TENM3: variants seen among roughly 807,000 people sequenced by gnomAD.
TENM3 encodes the protein teneurin transmembrane protein 3.
In TENM3, 63 loss-of-function variants were observed where a neutral mutation model predicts 255.1. The ratio of observed to expected loss-of-function variants is 0.25; its 90% CI spans 0.20 to 0.30. The LOEUF (loss-of-function observed/expected upper bound fraction) is 0.30. TENM3 is among the 10% of genes least tolerant of loss of function. TENM3 has a pLI of 1.00. For synonymous variants in TENM3, 1,306 were observed against 1,322.3 expected (o/e 0.99, Z 0.27); for missense variants, 2,929 against 3,461.1 (o/e 0.85, Z 3.86).
At position 182,760,224 on chromosome 4, in the gene TENM3, G is replaced by A. The variant is rs116013007; in HGVS notation, c.4892+4965G>A. Among the ~76,000 whole-genome samples the A allele has an allele frequency of 8.1e-3, 1,237 of 152,178 alleles. 19 individuals are homozygous for A. The highest frequency in any genetic ancestry group is 0.028 in the African/African-American group (1,155 of 41,518). ...CCACTTAAAAACAGTGGCCACACGCGATCATTCCTTAGCCAGAGTAATTCC... is the reference window on the plus strand; with the variant it reads ...CCACTTAAAAACAGTGGCCACACGCAATCATTCCTTAGCCAGAGTAATTCC... On this transcript the variant is annotated intron_variant, in intron 22 of 27. Coordinates refer to ENST00000511685, the MANE Select transcript of TENM3 (RefSeq NM_001080477.4).
In TENM3 at chr4:182,208,005, G is replaced by A. The variant is rs577386975; in HGVS notation, c.-76+63251G>A. 2.5e-4 allele frequency among the ~76,000 whole-genome samples: 38 copies of A among 152,334 alleles called. No homozygotes were observed. In the South Asian group the frequency reaches 5.6e-3, roughly 22 times the overall value. On this transcript the variant is annotated intron_variant, in intron 1 of 2. Coordinates refer to the TENM3 transcript ENST00000512480. ...CTTGAAGTCGTGTGTTTCCTCAGAA[G>A]TTTTGTCAGTTTCATAAGCCTTAAA...
chr4:181,758,794 T>C, the TENM3 span, among the ~76,000 whole-genome samples: 1 of 152,176 alleles, frequency 6.6e-6, no homozygotes, highest in Non-Finnish European at 1.5e-5. Flanking sequence ...TTTGAGCACA[T>C]GTAGTTCTGT....
the TENM3 span, among the ~76,000 whole-genome samples, chr4:182,047,560 C>CAA: frequency 0.27 from 19,431 of 71,664 alleles, 3,666 homozygotes; most frequent in Admixed American, 0.37. Flanking sequence ...GACTCCATCT[C>CAA]AAAAAAAAAA....
At position 182,460,572 on chromosome 4, in the gene TENM3, G is replaced by T. The variant is rs200972109; in HGVS notation, c.511+113643G>T. Among the ~76,000 whole-genome samples the T allele has an allele frequency of 1.7e-4, 26 of 152,178 alleles. No individual in the cohort carries two copies. In the East Asian group the frequency reaches 5.0e-3, roughly 29 times the overall value. The stretch of plus-strand genomic sequence containing the variant: ...CAAAATGAAGGAGAGACAAGAGAGG[G>T]GTGATAGTGGTGTTTAGCTGTCTCT... On this transcript the variant is annotated intron_variant, in intron 3 of 27. Transcript: ENST00000511685.
intron 3 of TENM3, among the ~76,000 whole-genome samples, chr4:182,525,619 A>T (rs1038712838): frequency 6.6e-6 from 1 of 152,196 alleles, no homozygotes; most frequent in African/African-American, 2.4e-5. Flanking sequence ...GTGTATGTAC[A>T]CCCGTCCCTC....
chr4:181,781,235 T>G, the TENM3 span, among the ~76,000 whole-genome samples: 1 of 152,214 alleles, frequency 6.6e-6, no homozygotes. Context: ...TTCACAACAT[T>G]GATTCTTCCT....
At chr4:181,995,031 G>A in the TENM3 span, among the ~76,000 whole-genome samples, 1 of 152,304 alleles carries the variant, frequency 6.6e-6, no homozygotes, top group East Asian at 1.9e-4. Context: ...GCTCATGCCT[G>A]TAATCCCAGC....
chr4:181,574,394 G>A, the TENM3 span, among the ~76,000 whole-genome samples: 2 of 151,822 alleles, frequency 1.3e-5, no homozygotes, highest in Admixed American at 6.6e-5. Context: ...AGCCGGGCGC[G>A]GTGGCGGGCG....
the TENM3 span, among the ~76,000 whole-genome samples, chr4:181,694,720 A>G: frequency 6.6e-6 from 1 of 152,228 alleles, no homozygotes; most frequent in Non-Finnish European, 1.5e-5. Context: ...TCTTCCCGGA[A>G]TGGAATACAC....
At chr4:182,628,192 G>A (rs371404779) in intron 4 of TENM3, among the ~76,000 whole-genome samples, 3 of 152,130 alleles carry the variant, frequency 2.0e-5, no homozygotes, top group African/African-American at 7.2e-5. Flanking sequence ...CAGAAGATCC[G>A]CGTGATCATG....
the TENM3 span, among the ~76,000 whole-genome samples, chr4:181,891,090 G>T: frequency 6.6e-6 from 1 of 152,178 alleles, no homozygotes; most frequent in African/African-American, 2.4e-5. Flanking sequence ...TTATGAAATT[G>T]TCAGACTTGA....
chr4:182,266,116 G>A (rs1314689278), intron 1 of TENM3, among the ~76,000 whole-genome samples: 3 of 152,110 alleles, frequency 2.0e-5, no homozygotes, highest in African/African-American at 4.8e-5. Context: ...ACTTCTGCCC[G>A]GTGTGTCCTG....
chr4:181,455,589 G>T, the TENM3 span, among the ~76,000 whole-genome samples: 1 of 151,994 alleles, frequency 6.6e-6, no homozygotes, highest in Non-Finnish European at 1.5e-5. Flanking sequence ...CAAAACTTCA[G>T]TCTTTTAAAA....
chr4:181,744,202 A>C, the TENM3 span, among the ~76,000 whole-genome samples: 1 of 152,102 alleles, frequency 6.6e-6, no homozygotes, highest in Non-Finnish European at 1.5e-5. Flanking sequence ...TATGTACCAC[A>C]TTGTCTTTAT....
the TENM3 span, among the ~76,000 whole-genome samples, chr4:181,621,378 CTTTA>C: frequency 6.6e-5 from 10 of 152,258 alleles, no homozygotes; most frequent in African/African-American, 2.4e-4. Context: ...ATAACTATAT[CTTTA>C]TTTGTTTTCA....
At chr4:182,758,978 A>T (rs1386882427) in intron 22 of TENM3, among the ~76,000 whole-genome samples, 1 of 152,218 alleles carries the variant, frequency 6.6e-6, no homozygotes, top group African/African-American at 2.4e-5. Flanking sequence ...AAAAGCCTTG[A>T]GATTAAAGCT....
At chr4:182,236,674 T>A (rs1756917908) in intron 1 of TENM3, among the ~76,000 whole-genome samples, 1 of 152,212 alleles carries the variant, frequency 6.6e-6, no homozygotes, top group Admixed American at 6.5e-5. Flanking sequence ...ATTAAGAAAC[T>A]TTTCTTGATG....
the TENM3 span, among the ~76,000 whole-genome samples, chr4:181,744,029 G>A: frequency 1.3e-5 from 2 of 152,172 alleles, no homozygotes; most frequent in South Asian, 4.2e-4. Context: ...ATGTGTCCAT[G>A]TGTTCTTATC....
intron 4 of TENM3, among the ~76,000 whole-genome samples, chr4:182,602,099 T>C (rs1222942154): frequency 6.6e-6 from 1 of 152,242 alleles, no homozygotes; most frequent in African/African-American, 2.4e-5. Context: ...CTTCTTTCTT[T>C]GGACAGGAGC....
Sources: allele counts gnomAD v4.1 joint callset (sites outside exome capture counted in the v4.1 genomes callset), GRCh38; gene constraint gnomAD v4.1.1; transcripts MANE v1.5; gene names NCBI Gene and HGNC (gene_info 2026-07-23, HGNC 2026-07-21).